Variants in MCTP2 observed in about 807,000 individuals in gnomAD.
The protein encoded by MCTP2 is multiple C2 and transmembrane domain-containing protein 2.
A neutral mutation model predicts 111.6 loss-of-function variants in MCTP2; 132 were observed. The observed-to-expected ratio is 1.18, with a 90% confidence interval of 1.03 to 1.37. MCTP2 has a LOEUF of 1.37. Among genes scored for constraint, MCTP2 ranks in the 40% most tolerant of loss-of-function variants. The probability of loss-of-function intolerance (pLI) is 0.00; values close to 1 mark genes in which losing one functional copy is unlikely to be tolerated. For missense variants in MCTP2, 1,183 were observed against 1,067.9 expected, an observed-to-expected ratio of 1.11 and a Z score of -1.50; for synonymous variants, 395 against 387.7, an observed-to-expected ratio of 1.02 and a Z score of -0.22.
chr15:94,466,736 AGTTACCTCCAAGAGTT>A (rs1451770037), intron 20 of MCTP2, among the ~76,000 whole-genome samples: 1 of 152,180 alleles, frequency 6.6e-6, no homozygotes, highest in African/African-American at 2.4e-5. Flanking sequence ...ATTGGAGCTT[AGTTACCTCCAAGAGTT>A]CTTGCAGTTT....
chr15:94,276,123 T>A (rs190449127), intron 1 of MCTP2, among the ~76,000 whole-genome samples: 5 of 152,070 alleles, frequency 3.3e-5, no homozygotes, highest in Non-Finnish European at 7.4e-5. Flanking sequence ...GGATTACAGG[T>A]GTGAGCCACC....
intron 1 of MCTP2, among the ~76,000 whole-genome samples, chr15:94,258,270 A>G (rs891993674): frequency 1.3e-5 from 2 of 152,272 alleles, no homozygotes; most frequent in East Asian, 1.9e-4. Context: ...TCAGTTATCC[A>G]GATTTCTCTA....
chr15:94,362,474 G>A (rs1041639429), intron 10 of MCTP2, among the ~76,000 whole-genome samples: 3 of 152,190 alleles, frequency 2.0e-5, no homozygotes, highest in Non-Finnish European at 4.4e-5. Flanking sequence ...AGATGGTGCT[G>A]TATAAAGCAG....
At chr15:94,383,262 G>T (rs1270812150) in intron 12 of MCTP2, among the ~76,000 whole-genome samples, 1 of 152,176 alleles carries the variant, frequency 6.6e-6, no homozygotes, top group Non-Finnish European at 1.5e-5. Flanking sequence ...CCATGTAGAA[G>T]CCTGTAAGTT....
At chr15:94,402,101 G>C in intron 17 of MCTP2, 82 bp downstream of exon 17, 1 of 1,503,446 alleles carries the variant, frequency 6.7e-7, no homozygotes, top group Non-Finnish European at 9.0e-7. Context: ...CAGCGTAGGT[G>C]ATTACGTGGG....
At chr15:94,304,032 T>C (rs535863337) in intron 2 of MCTP2, among the ~76,000 whole-genome samples, 1 of 152,326 alleles carries the variant, frequency 6.6e-6, no homozygotes, top group East Asian at 1.9e-4. Flanking sequence ...CTCTAAGACA[T>C]GTACTAACTG....
intron 1 of MCTP2, among the ~76,000 whole-genome samples, chr15:94,252,632 ATTT>A (rs201850560): frequency 6.8e-6 from 1 of 146,596 alleles, no homozygotes. Flanking sequence ...TGGTTTACAG[ATTT>A]TTTTTTTTTT....
intron 1 of MCTP2, among the ~76,000 whole-genome samples, chr15:94,234,819 A>G (rs2070429526): frequency 6.6e-6 from 1 of 152,162 alleles, no homozygotes; most frequent in South Asian, 2.1e-4. Flanking sequence ...AGCTGATTTC[A>G]TTGATCACAG....
intron 19 of MCTP2, among the ~76,000 whole-genome samples, chr15:94,455,771 G>A (rs1326683526): frequency 3.3e-5 from 5 of 152,120 alleles, no homozygotes; most frequent in African/African-American, 2.4e-5. Context: ...GTCAATTAAG[G>A]TGTCAATTTA....
chr15:94,232,079 C>G (rs953670712), intron 1 of MCTP2: 3 of 152,116 alleles, frequency 2.0e-5, no homozygotes, highest in Non-Finnish European at 4.4e-5. Flanking sequence ...TAATTCTTTG[C>G]GCTGACATTT....
chr15:94,263,601 C>T (rs2073330047), intron 1 of MCTP2, among the ~76,000 whole-genome samples: 1 of 152,184 alleles, frequency 6.6e-6, no homozygotes, highest in African/African-American at 2.4e-5. Flanking sequence ...CCAGACAACA[C>T]TACAGCTTTA....
chr15:94,264,558 G>A (rs575987961), intron 1 of MCTP2, among the ~76,000 whole-genome samples: 11 of 152,110 alleles, frequency 7.2e-5, no homozygotes, highest in Non-Finnish European at 7.4e-5. Context: ...GCAGTGAGCC[G>A]AGTTTGCGCC....
At chr15:94,451,422 C>A (rs1268567826) in intron 19 of MCTP2, among the ~76,000 whole-genome samples, 1 of 152,200 alleles carries the variant, frequency 6.6e-6, no homozygotes, top group Non-Finnish European at 1.5e-5. Context: ...CACATTTTTT[C>A]ACATTTGTAA....
chr15:94,339,190 A>T, intron 4 of MCTP2, 100 bp from the exon 5 acceptor site: 3 of 796,838 alleles, frequency 3.8e-6, no homozygotes, highest in Non-Finnish European at 5.7e-6. Flanking sequence ...GTGCAGGGAG[A>T]CATTAGCCTG....
intron 21 of MCTP2, 108 bp from the exon 22 acceptor site, chr15:94,476,588 G>A (rs546632273): frequency 4.2e-6 from 3 of 711,894 alleles, no homozygotes; most frequent in East Asian, 5.3e-5. Flanking sequence ...ATGCTAGATA[G>A]ATAGATGATT....
chr15:94,392,544 G>T (rs1194535337), intron 14 of MCTP2, among the ~76,000 whole-genome samples: 1 of 152,058 alleles, frequency 6.6e-6, no homozygotes, highest in African/African-American at 2.4e-5. Flanking sequence ...GCTGGGTGTG[G>T]TGGCTCACAC....
At chr15:94,371,693 GT>G (rs1350027076) in intron 12 of MCTP2, among the ~76,000 whole-genome samples, 1 of 151,734 alleles carries the variant, frequency 6.6e-6, no homozygotes, top group African/African-American at 2.4e-5. Flanking sequence ...GAAACCCTTT[GT>G]TTTTTTTAAC....
intron 2 of MCTP2, among the ~76,000 whole-genome samples, chr15:94,308,719 T>A (rs2075997671): frequency 1.3e-5 from 2 of 152,134 alleles, no homozygotes; most frequent in East Asian, 3.8e-4. Context: ...ATAAACTTTT[T>A]TTTTAGAAAG....
chr15:94,249,570 C>G (rs983180127), intron 1 of MCTP2, among the ~76,000 whole-genome samples: 2 of 151,908 alleles, frequency 1.3e-5, no homozygotes, highest in Non-Finnish European at 1.5e-5. Flanking sequence ...ACTGCAACCT[C>G]CGCCTCCTGG....
Sources: gnomAD v4.1 joint callset for allele counts (sites outside exome capture counted in the v4.1 genomes callset) on GRCh38, gnomAD v4.1.1 for gene constraint, MANE v1.5 for transcripts, NCBI Gene and HGNC (gene_info 2026-07-23, HGNC 2026-07-21) for gene names.